The following SEZ6L variants were observed in gnomAD, a reference collection of about 807,000 sequenced individuals.
The protein encoded by SEZ6L is seizure related 6 homolog like.
A neutral mutation model predicts 106.2 loss-of-function variants in SEZ6L; 37 were observed. That is an observed-to-expected ratio of 0.35 (90% confidence interval 0.27 to 0.46). The LOEUF (loss-of-function observed/expected upper bound fraction) is 0.46, where lower values mean the gene tolerates loss of function less well. Ranked by LOEUF, SEZ6L falls within the 20% of genes least tolerant of loss-of-function variation. The pLI is 1.00. For missense variants in SEZ6L, 1,172 were observed against 1,332.8 expected (o/e 0.88, Z 1.88); for synonymous variants, 541 against 570.4 (o/e 0.95, Z 0.73).
chr22:26,346,113 G>C (rs73404663), intron 10 of SEZ6L, among the ~76,000 whole-genome samples: 1,634 of 151,498 alleles, frequency 0.011, 34 homozygotes, highest in African/African-American at 0.038. Context: ...CTGCAGTCTC[G>C]AACTCCCAGA....
chr22:26,348,488 G>A (rs866635374), intron 11 of SEZ6L, among the ~76,000 whole-genome samples: 1 of 132,696 alleles, frequency 7.5e-6, no homozygotes, highest in African/African-American at 3.0e-5. Flanking sequence ...GCAAAACCCT[G>A]TTGAGAGGGG....
intron 8 of SEZ6L, among the ~76,000 whole-genome samples, chr22:26,312,868 C>A (rs2081883322): frequency 1.3e-5 from 2 of 152,182 alleles, no homozygotes; most frequent in South Asian, 2.1e-4. Flanking sequence ...TCGCACCTGG[C>A]CCGTTTCCCC....
chr22:26,359,925 C>T (rs748182825), intron 12 of SEZ6L, among the ~76,000 whole-genome samples: 2 of 152,180 alleles, frequency 1.3e-5, no homozygotes, highest in Non-Finnish European at 2.9e-5. Context: ...AGAGAATGCC[C>T]TCAGTAAATA....
intron 1 of SEZ6L, among the ~76,000 whole-genome samples, chr22:26,291,620 A>G (rs1028446101): frequency 6.6e-6 from 1 of 151,600 alleles, no homozygotes; most frequent in East Asian, 1.9e-4. Flanking sequence ...ATTTAAAAAA[A>G]CTCTCCTCCC....
intron 1 of SEZ6L, chr22:26,242,629 G>C (rs1042092812): frequency 6.6e-6 from 1 of 152,236 alleles, no homozygotes; most frequent in Non-Finnish European, 1.5e-5. Context: ...TCTGGAGTTG[G>C]TTGCTCCTTG....
chr22:26,340,885 T>C (rs891816050), intron 10 of SEZ6L, among the ~76,000 whole-genome samples: 3 of 152,218 alleles, frequency 2.0e-5, no homozygotes, highest in African/African-American at 7.2e-5. Context: ...TTTTGTCATC[T>C]GTAAGATGGG....
rs572172479 is a variant in SEZ6L at position 26,301,731 on chromosome 22, T to TG, written c.1348+2569dup. ...TAGGAAATAGACTGAGGGTGGAAAA[T>TG]GGGGGGGAGAAGGGGGAAACATTCC... On this transcript the variant is annotated intron_variant, in intron 5 of 16. Coordinates refer to ENST00000248933, the MANE Select transcript of SEZ6L (RefSeq NM_021115.5). 1.1e-3 allele frequency among the ~76,000 whole-genome samples: 144 copies of TG among 134,204 alleles called. 2 individuals are homozygous for TG. In the South Asian group the frequency reaches 0.032, roughly 30 times the overall value. 88.0% of individuals were successfully genotyped at this position (134,204 alleles called of 152,430 possible). A position where few individuals can be genotyped will look rare whatever the true frequency, so the allele number is the denominator to read the frequency against.
At chr22:26,246,380 T>G (rs2079345600) in intron 1 of SEZ6L, among the ~76,000 whole-genome samples, 1 of 152,150 alleles carries the variant, frequency 6.6e-6, no homozygotes, top group African/African-American at 2.4e-5. Flanking sequence ...TCACATTTGT[T>G]GAAAGGAAGA....
rs146919792 is a variant in SEZ6L, at chr22:26,369,305, T to G, written c.2794+3739T>G. Among the ~76,000 whole-genome samples the G allele has an allele frequency of 1.1e-3, 172 of 150,708 alleles. 1 individual carries two copies. The highest frequency in any genetic ancestry group is 4.1e-3 in the African/African-American group (168 of 40,864). ...ATCTTACCAGGTATCAAGCAGGGGCTCATCACGTGAATGACAATGACTTAT... is the reference window on the plus strand; with the variant it reads ...ATCTTACCAGGTATCAAGCAGGGGCGCATCACGTGAATGACAATGACTTAT... On this transcript the variant is annotated intron_variant, in intron 13 of 16. Coordinates refer to ENST00000248933, the MANE Select transcript of SEZ6L (RefSeq NM_021115.5).
At chr22:26,186,333 T>C (rs1422130929) in intron 1 of SEZ6L, among the ~76,000 whole-genome samples, 3 of 152,156 alleles carry the variant, frequency 2.0e-5, no homozygotes, top group Non-Finnish European at 4.4e-5. Flanking sequence ...AGAAAAGCAA[T>C]GATTCAGTTG....
chr22:26,290,735 C>A (rs1470031574), intron 1 of SEZ6L, among the ~76,000 whole-genome samples: 3 of 152,188 alleles, frequency 2.0e-5, no homozygotes, highest in African/African-American at 7.2e-5. Context: ...CAGGGCCTGG[C>A]CCCTGCCTCC....
chr22:26,378,242 T>C (rs1268842393), intron 16 of SEZ6L, among the ~76,000 whole-genome samples: 1 of 152,204 alleles, frequency 6.6e-6, no homozygotes, highest in Non-Finnish European at 1.5e-5. Flanking sequence ...GAATTATTAT[T>C]ATCAATAATA....
chr22:26,309,192 G>T (rs542334892), intron 6 of SEZ6L, among the ~76,000 whole-genome samples: 1 of 152,276 alleles, frequency 6.6e-6, no homozygotes, highest in South Asian at 2.1e-4. Context: ...ATTTGTATAT[G>T]GTTTTCTTCA....
chr22:26,292,721 C>G lies in SEZ6L; in HGVS notation c.410C>G (p.Thr137Ser). 1 of 1,613,902 alleles carries G rather than the reference C, an allele frequency of 6.2e-7. No homozygotes were observed. Among genetic ancestry groups the G allele is most frequent in the South Asian group, 1.1e-5 (1 of 91,076 alleles). ...AGGAAGCAGCTGAGGCCCAAGGCCACCTCCGCAGCCACTGTCCAAAGGGCA... is the reference window on the plus strand; with the variant it reads ...AGGAAGCAGCTGAGGCCCAAGGCCAGCTCCGCAGCCACTGTCCAAAGGGCA... ...SARKQLRPKA[T>S]SAATVQRAGS... Residue 137 changes from threonine to serine, a missense_variant, in exon 2 of 17, where the codon ACC (threonine) becomes AGC (serine). Thr to Ser is a moderately conservative substitution (Grantham distance 58, BLOSUM62 1). Around this residue, in one of 4 missense-constraint regions of SEZ6L, gnomAD observed 494 missense variants for 445.8 expected, o/e 1.11. Coordinates refer to ENST00000248933, the MANE Select transcript of SEZ6L (RefSeq NM_021115.5).
rs538660353 is a variant in SEZ6L, at chr22:26,219,528, A to C, written c.94+49765A>C. On this transcript the variant is annotated intron_variant, in intron 1 of 16. Coordinates refer to ENST00000248933, the MANE Select transcript of SEZ6L (RefSeq NM_021115.5). Reference sequence around the variant, plus strand: ...GACTTCAAGAACCTATTTGATGTGAATCCATCTCCTGAGCCCAGGAAACCT... The same window carrying C: ...GACTTCAAGAACCTATTTGATGTGACTCCATCTCCTGAGCCCAGGAAACCT... Among the ~76,000 whole-genome samples, 12 of 152,230 alleles carry C rather than the reference A, an allele frequency of 7.9e-5. No homozygotes were observed. In the South Asian group the frequency reaches 1.7e-3, roughly 21 times the overall value.
intron 13 of SEZ6L, among the ~76,000 whole-genome samples, chr22:26,369,476 G>A (rs1186394671): frequency 6.6e-6 from 1 of 151,392 alleles, no homozygotes; most frequent in East Asian, 1.9e-4. Context: ...GAGTAGCTGG[G>A]ACTACAGGCG....
chr22:26,227,583 A>AT (rs11415829), intron 1 of SEZ6L, among the ~76,000 whole-genome samples: 78,023 of 139,972 alleles, frequency 0.56, 21,787 homozygotes, highest in South Asian at 0.71. Flanking sequence ...CTAATTTTTA[A>AT]TTTTTTTTTT....
chr22:26,320,928 A>G (rs1156894547), intron 9 of SEZ6L, among the ~76,000 whole-genome samples: 2 of 152,332 alleles, frequency 1.3e-5, no homozygotes, highest in Non-Finnish European at 2.9e-5. Context: ...AGTCCCCACC[A>G]CAAAGAATGA....
intron 15 of SEZ6L, 120 bp downstream of exon 15, chr22:26,375,809 T>A (rs2084205396): frequency 1.5e-6 from 1 of 673,256 alleles, no homozygotes; most frequent in Non-Finnish European, 2.6e-6. Flanking sequence ...TAGTGGCATT[T>A]GTGTTATTGC....
Sources: allele counts gnomAD v4.1 joint callset (sites outside exome capture counted in the v4.1 genomes callset), GRCh38; gene constraint gnomAD v4.1.1; regional missense constraint gnomAD v4.1.1; transcripts MANE v1.5; gene names NCBI Gene and HGNC (gene_info 2026-07-23, HGNC 2026-07-21).